The following UNC79 variants were observed in gnomAD, a reference collection of about 807,000 sequenced individuals.
UNC79 encodes unc-79 subunit of NALCN channel complex.
A neutral mutation model predicts 283.1 loss-of-function variants in UNC79; 37 were observed. That is an observed-to-expected ratio of 0.13 (90% CI 0.10 to 0.17). The LOEUF (loss-of-function observed/expected upper bound fraction) is 0.17, where lower values mean the gene tolerates loss of function less well. Ranked by LOEUF, UNC79 falls within the 10% of genes least tolerant of loss-of-function variation. The pLI is 1.00. For synonymous variants in UNC79, 1,107 were observed against 1,200.2 expected (o/e 0.92, Z 1.61); for missense variants, 2,272 against 3,211.1 (o/e 0.71, Z 7.07).
intron 33 of UNC79, among the ~76,000 whole-genome samples, chr14:93,643,156 G>T (rs729050): frequency 0.74 from 113,326 of 152,122 alleles, 43,020 homozygotes; most frequent in African/African-American, 0.89. Flanking sequence ...TAAGCATTTT[G>T]CATTTTTAAC....
chr14:93,662,347 G>A (rs541465041), intron 39 of UNC79, among the ~76,000 whole-genome samples: 1 of 152,296 alleles, frequency 6.6e-6, no homozygotes, highest in South Asian at 2.1e-4. Flanking sequence ...AGTAAGGAAG[G>A]TTTGTAAATG....
intron 19 of UNC79, among the ~76,000 whole-genome samples, chr14:93,581,683 G>A (rs1343661258): frequency 4.6e-5 from 7 of 151,678 alleles, no homozygotes; most frequent in Admixed American, 1.3e-4. Flanking sequence ...TAGTAGAGAC[G>A]GGGTTTCACC....
intron 20 of UNC79, among the ~76,000 whole-genome samples, chr14:93,584,333 C>T (rs2064056039): frequency 6.6e-6 from 1 of 152,180 alleles, no homozygotes; most frequent in Admixed American, 6.5e-5. Context: ...CCCTGAGAAG[C>T]AGAAACACAA....
intron 26 of UNC79, among the ~76,000 whole-genome samples, chr14:93,610,870 C>G (rs1020700890): frequency 7.9e-5 from 12 of 152,120 alleles, no homozygotes; most frequent in Non-Finnish European, 1.5e-4. Context: ...CTCGGCCTCC[C>G]AAAGTGCTGG....
chr14:93,580,112 G>A, intron 18 of UNC79, 37 bp from the exon 19 acceptor site: 6 of 1,499,354 alleles, frequency 4.0e-6, no homozygotes, highest in Non-Finnish European at 5.4e-6. Flanking sequence ...TTTTTTTTGT[G>A]TGTGTGTGCG....
intron 48 of UNC79, among the ~76,000 whole-genome samples, 187 bp from the exon 52 acceptor site, chr14:93,706,517 G>A (rs2075888801): frequency 1.3e-5 from 2 of 152,104 alleles, no homozygotes; most frequent in African/African-American, 4.8e-5. Context: ...TTTGGGCCAG[G>A]ACGACTCTAG....
upstream of UNC79, among the ~76,000 whole-genome samples, chr14:93,427,823 T>A (rs1248952346): frequency 1.3e-5 from 2 of 152,118 alleles, no homozygotes; most frequent in Non-Finnish European, 2.9e-5. Context: ...GCTTCTAATG[T>A]CTCTAAAATG....
intron 1 of UNC79, among the ~76,000 whole-genome samples, chr14:93,460,904 C>T (rs939901810): frequency 1.3e-5 from 2 of 152,010 alleles, no homozygotes; most frequent in Non-Finnish European, 2.9e-5. Flanking sequence ...ATATTCTTTG[C>T]AGCATTGAAT....
intron 16 of UNC79, among the ~76,000 whole-genome samples, chr14:93,573,848 T>C (rs1001784616): frequency 2.0e-5 from 3 of 152,018 alleles, no homozygotes; most frequent in Admixed American, 1.3e-4. Context: ...CTACAAAAAA[T>C]ACAAAAATTA....
At chr14:93,600,761 T>A in exon 25 of UNC79, 1 of 1,612,544 alleles carries the variant, frequency 6.2e-7, no homozygotes, top group Non-Finnish European at 8.5e-7. Context: ...GGAATTTCCT[T>A]TTCCTACAAG....
chr14:93,472,326 T>C (rs973401074), intron 2 of UNC79, among the ~76,000 whole-genome samples: 1 of 152,082 alleles, frequency 6.6e-6, no homozygotes, highest in Admixed American at 6.6e-5. Flanking sequence ...GTGAGAAAAG[T>C]ATAAAGTCTG....
At chr14:93,572,006 G>A (rs1244338653) in exon 15 of UNC79, 41 of 1,614,066 alleles carry the variant, frequency 2.5e-5, no homozygotes, top group Non-Finnish European at 3.5e-5. Flanking sequence ...GTCTGGGAGT[G>A]TATTATGCCG....
intron 4 of UNC79, among the ~76,000 whole-genome samples, chr14:93,483,395 A>C (rs1171370298): frequency 6.6e-6 from 1 of 152,124 alleles, no homozygotes; most frequent in African/African-American, 2.4e-5. Context: ...AGTGAGACTG[A>C]GGAATGGAAT....
downstream of UNC79, chr14:93,707,237 AT>A: frequency 4.4e-6 from 1 of 228,822 alleles, no homozygotes; most frequent in Admixed American, 5.3e-5. Flanking sequence ...CCCTGTTGCT[AT>A]TTTTGATGAT....
At chr14:93,630,224 A>G (rs1034281014) in intron 30 of UNC79, among the ~76,000 whole-genome samples, 2 of 152,222 alleles carry the variant, frequency 1.3e-5, no homozygotes, top group African/African-American at 2.4e-5. Flanking sequence ...GGCTATGGGC[A>G]AGGAAACAGA....
intron 1 of UNC79, among the ~76,000 whole-genome samples, chr14:93,401,882 T>C (rs1004191162): frequency 2.0e-5 from 3 of 151,384 alleles, no homozygotes; most frequent in African/African-American, 7.3e-5. Context: ...AAGGGAAGAG[T>C]GAGCATAAGG....
intron 1 of UNC79, among the ~76,000 whole-genome samples, chr14:93,336,102 C>T (rs1166733064): frequency 1.3e-5 from 2 of 152,152 alleles, no homozygotes; most frequent in Non-Finnish European, 2.9e-5. Flanking sequence ...ACATAACCAT[C>T]CACTGAAACC....
chr14:93,620,636 C>T (rs2139908137), intron 29 of UNC79, among the ~76,000 whole-genome samples: 1 of 152,302 alleles, frequency 6.6e-6, no homozygotes, highest in South Asian at 2.1e-4. Flanking sequence ...CGCTATTGGA[C>T]TCTCAAGAAG....
intron 22 of UNC79, among the ~76,000 whole-genome samples, chr14:93,592,761 T>A (rs2064788754): frequency 6.6e-6 from 1 of 152,200 alleles, no homozygotes; most frequent in African/African-American, 2.4e-5. Flanking sequence ...CAATAATGTA[T>A]TATTACTAAA....
Sources: allele counts gnomAD v4.1 joint callset (sites outside exome capture counted in the v4.1 genomes callset), GRCh38; gene constraint gnomAD v4.1.1; transcripts MANE v1.5; gene names NCBI Gene and HGNC (gene_info 2026-07-23, HGNC 2026-07-21).